Variants in DST observed in about 807,000 individuals in gnomAD.
The protein encoded by DST is dystonin.
A neutral mutation model predicts 875.2 loss-of-function variants in DST; 253 were observed. That is an observed-to-expected ratio of 0.29 (90% CI 0.26 to 0.32). The LOEUF is 0.32. Among genes scored for constraint, DST ranks in the 10% least tolerant of loss-of-function variants. DST has a pLI of 1.00. For missense variants in DST, 8,287 were observed against 9,111.6 expected (o/e 0.91, Z 3.68); for synonymous variants, 3,124 against 3,197.1 (o/e 0.98, Z 0.77).
chr6:56,478,259 G>C (rs1174946058), intron 90 of DST, among the ~76,000 whole-genome samples: 1 of 152,168 alleles, frequency 6.6e-6, no homozygotes, highest in Non-Finnish European at 1.5e-5. Flanking sequence ...ACAAAGTAGA[G>C]AGAAGCCTGG....
chr6:56,809,087 C>T (rs2099756738), intron 4 of DST, among the ~76,000 whole-genome samples: 1 of 152,152 alleles, frequency 6.6e-6, no homozygotes, highest in Non-Finnish European at 1.5e-5. Flanking sequence ...GGACTCTACA[C>T]TATTGACTCA....
At chr6:56,625,123 G>GC (rs2098722121) in intron 35 of DST, 34 bp downstream of exon 35, 1 of 1,386,866 alleles carries the variant, frequency 7.2e-7, no homozygotes, top group Non-Finnish European at 1.0e-6. Flanking sequence ...TTTCTTTTAT[G>GC]CCCCTTCCCC....
In DST at chr6:56,458,363, C is replaced by T. The variant is rs41271848; in HGVS notation, c.*642G>A. 0.029 allele frequency: 4,472 copies of T among 152,548 alleles called. 81 individuals are homozygous for T. Among genetic ancestry groups the T allele is most frequent in the Non-Finnish European group, 0.042 (2,878 of 68,026 alleles). The allele number at this position is 152,548 out of a possible 1,614,324, so 9.4% of individuals were successfully genotyped here. A position where few individuals can be genotyped will look rare whatever the true frequency, so the allele number is the denominator to read the frequency against. On this transcript the variant is annotated 3_prime_UTR_variant, in exon 104 of 104. Transcript: ENST00000680361. ...AAAGAAAACCTCACATGTATATGAA[C>T]GCACTTTATACTTATATTCTTACAG...
intron 9 of DST, among the ~76,000 whole-genome samples, chr6:56,687,754 A>G (rs747119586): frequency 7.9e-5 from 12 of 152,144 alleles, no homozygotes; most frequent in East Asian, 5.8e-4. Context: ...AACAAATGTA[A>G]TCAACACATT....
intron 9 of DST, among the ~76,000 whole-genome samples, chr6:56,688,986 G>A (rs1380332144): frequency 6.6e-6 from 1 of 152,044 alleles, no homozygotes; most frequent in Non-Finnish European, 1.5e-5. Flanking sequence ...GGAAAAGGAG[G>A]GTAAATTGCC....
intron 4 of DST, among the ~76,000 whole-genome samples, chr6:56,845,426 G>A (rs1254039716): frequency 2.6e-5 from 4 of 152,118 alleles, no homozygotes; most frequent in Non-Finnish European, 5.9e-5. Flanking sequence ...TCAGCAATTG[G>A]CCTACTTCTG....
intron 4 of DST, chr6:56,843,960 G>A (rs1187560139): frequency 6.6e-6 from 1 of 152,642 alleles, no homozygotes; most frequent in Admixed American, 6.5e-5. Context: ...GATCCCCAAG[G>A]GCGACGTTTC....
chr6:56,466,035 T>C (rs757537466), intron 99 of DST, 43 bp downstream of exon 99: 24 of 1,467,852 alleles, frequency 1.6e-5, no homozygotes, highest in Admixed American at 5.7e-5. Context: ...TAATATAAAA[T>C]TGAAATACTT....
chr6:56,926,546 G>C (rs1807192049), intron 2 of DST, among the ~76,000 whole-genome samples: 1 of 152,100 alleles, frequency 6.6e-6, no homozygotes, highest in African/African-American at 2.4e-5. Context: ...GATTCAACAG[G>C]GACAAAGTCA....
intron 61 of DST, among the ~76,000 whole-genome samples, chr6:56,543,766 T>C (rs2097177407): frequency 6.6e-6 from 1 of 152,208 alleles, no homozygotes; most frequent in African/African-American, 2.4e-5. Flanking sequence ...AACTTTATAC[T>C]TTCTTTGTTA....
intron 61 of DST, among the ~76,000 whole-genome samples, chr6:56,546,339 ACATATTT>A (rs2097219037): frequency 8.5e-6 from 1 of 117,920 alleles, no homozygotes; most frequent in East Asian, 2.5e-4. Context: ...TGAAATATAT[ACATATTT>A]CATATATATA....
At chr6:56,818,064 T>C (rs2099768721) in intron 4 of DST, among the ~76,000 whole-genome samples, 1 of 152,036 alleles carries the variant, frequency 6.6e-6, no homozygotes, top group African/African-American at 2.4e-5. Flanking sequence ...AACCTGAAAA[T>C]GCAAGGAAAT....
chr6:56,597,470 C>T (rs1271891856), intron 47 of DST, among the ~76,000 whole-genome samples: 1 of 152,268 alleles, frequency 6.6e-6, no homozygotes, highest in South Asian at 2.1e-4. Flanking sequence ...AGAGTGCCCA[C>T]TTTAACTGTC....
Position 56,604,409 on chromosome 6 carries a change from T to A in DST, c.10219A>T (p.Ser3407Cys), listed in dbSNP as rs749988996. The change falls in exon 40 of 104, where the codon AGC becomes TGC. Residue 3407 changes from serine (S) to cysteine (C), a missense_variant. By Grantham distance (112) the Ser-to-Cys change is moderately radical. This residue lies in a region of DST where 3,138 missense variants were observed against 3,116.6 expected (regional missense o/e 1.01). Transcript: ENST00000680361. ...GAAGAGTCACTCATTTGAGAGTCGC[T>A]GGGCACAGTAGATGCCTCATTTACC... ...QLVNEASTVP[S>C]DSQMSDSSGV... 6.2e-7 allele frequency: 1 copy of A among 1,610,670 alleles called. No individual in the cohort carries two copies. Among genetic ancestry groups the A allele is most frequent in the Non-Finnish European group, 8.5e-7 (1 of 1,178,046 alleles).
intron 9 of DST, among the ~76,000 whole-genome samples, chr6:56,676,814 T>G (rs565057200): frequency 6.6e-6 from 1 of 151,988 alleles, no homozygotes; most frequent in African/African-American, 2.4e-5. Context: ...CACTTATATG[T>G]AGAATCTAAA....
chr6:56,615,090 G>A (rs1202276266), intron 36 of DST: 1 of 1,023,724 alleles, frequency 9.8e-7, no homozygotes, highest in African/African-American at 1.7e-5. Flanking sequence ...GAAGGCTGTG[G>A]GAACGAATTT....
chr6:56,711,224 T>C (rs185709576), intron 5 of DST, among the ~76,000 whole-genome samples: 1 of 152,350 alleles, frequency 6.6e-6, no homozygotes, highest in East Asian at 1.9e-4. Context: ...TTTATTAATA[T>C]ATTACAGATA....
At chr6:56,888,014 G>A (rs1051985508) in intron 3 of DST, among the ~76,000 whole-genome samples, 2 of 150,254 alleles carry the variant, frequency 1.3e-5, no homozygotes, top group Non-Finnish European at 3.0e-5. Flanking sequence ...GCAGCAGTGC[G>A]ATCTCGGCTC....
At chr6:56,709,875 A>G (rs2099355923) in intron 5 of DST, among the ~76,000 whole-genome samples, 1 of 152,184 alleles carries the variant, frequency 6.6e-6, no homozygotes, top group Non-Finnish European at 1.5e-5. Flanking sequence ...AGGGAGGAGC[A>G]AGAACAAAGG....
Sources: gnomAD v4.1 joint callset for allele counts (sites outside exome capture counted in the v4.1 genomes callset) on GRCh38, gnomAD v4.1.1 for gene constraint, gnomAD v4.1.1 regional missense constraint, MANE v1.5 for transcripts, NCBI Gene and HGNC (gene_info 2026-07-23, HGNC 2026-07-21) for gene names.